The following CTNNA2 variants were observed in gnomAD, a reference collection of about 807,000 sequenced individuals.
CTNNA2 encodes catenin alpha 2.
In CTNNA2, 42 loss-of-function variants were observed where a neutral mutation model predicts 101.0. The ratio of observed to expected loss-of-function variants is 0.42; its 90% CI spans 0.32 to 0.54. CTNNA2 has a LOEUF of 0.54. CTNNA2 is among the 20% of genes least tolerant of loss of function. CTNNA2 has a pLI of 0.14. For missense variants in CTNNA2, 871 were observed against 1,223.1 expected, an observed-to-expected ratio of 0.71 and a Z score of 4.29; for synonymous variants, 450 against 456.4, an observed-to-expected ratio of 0.99 and a Z score of 0.18.
chr2:80,191,652 T>C (rs2148998422), intron 7 of CTNNA2, among the ~76,000 whole-genome samples: 1 of 151,720 alleles, frequency 6.6e-6, no homozygotes, highest in South Asian at 2.1e-4. Flanking sequence ...GCAAGTGCTG[T>C]TTAGAGAAAC....
chr2:79,477,159 CTTTTTTTTCTT>C (rs1359267736), intron 4 of CTNNA2, among the ~76,000 whole-genome samples: 3 of 110,984 alleles, frequency 2.7e-5, no homozygotes, highest in African/African-American at 6.6e-5. Flanking sequence ...TCTTTTTTTT[CTTTTTTTTCTT>C]TTTTTTTTTT....
At chr2:79,643,322 TA>T (rs1680583905) in intron 1 of CTNNA2, among the ~76,000 whole-genome samples, 1 of 152,162 alleles carries the variant, frequency 6.6e-6, no homozygotes, top group Non-Finnish European at 1.5e-5. Context: ...AGATATCCCA[TA>T]TAACTACTCC....
chr2:80,359,616 C>T (rs1674194991), intron 7 of CTNNA2, among the ~76,000 whole-genome samples: 1 of 152,154 alleles, frequency 6.6e-6, no homozygotes, highest in African/African-American at 2.4e-5. Context: ...TTCCCCTTCA[C>T]CTTGAGACAT....
At chr2:79,970,966 C>G (rs1690439098) in intron 7 of CTNNA2, among the ~76,000 whole-genome samples, 1 of 152,246 alleles carries the variant, frequency 6.6e-6, no homozygotes, top group African/African-American at 2.4e-5. Flanking sequence ...ATTCCTGGGT[C>G]CTATCAATTT....
chr2:79,708,499 C>A (rs1318349714), intron 2 of CTNNA2, among the ~76,000 whole-genome samples: 1 of 152,086 alleles, frequency 6.6e-6, no homozygotes, highest in East Asian at 1.9e-4. Context: ...TGTCTTAAAT[C>A]TTTTGTCTAT....
intron 3 of CTNNA2, among the ~76,000 whole-genome samples, chr2:79,321,931 A>G (rs1676633875): frequency 6.6e-6 from 1 of 152,218 alleles, no homozygotes. Context: ...TTAAACAGAC[A>G]TAGAAATCAT....
chr2:79,647,350 C>G (rs1337493842), intron 1 of CTNNA2, among the ~76,000 whole-genome samples: 1 of 152,082 alleles, frequency 6.6e-6, no homozygotes, highest in Non-Finnish European at 1.5e-5. Context: ...ACAAATATTT[C>G]CAGGAATGTT....
At chr2:79,997,467 C>A (rs1352439993) in intron 7 of CTNNA2, among the ~76,000 whole-genome samples, 2 of 152,048 alleles carry the variant, frequency 1.3e-5, no homozygotes, top group East Asian at 1.9e-4. Context: ...ACCAAACAAA[C>A]CCTGCAGGAT....
intron 1 of CTNNA2, among the ~76,000 whole-genome samples, chr2:79,633,098 T>G (rs1679803225): frequency 6.6e-6 from 1 of 152,244 alleles, no homozygotes; most frequent in South Asian, 2.1e-4. Context: ...ATCAGTCGTA[T>G]TATGTTAGTT....
chr2:79,311,601 T>A (rs1037698303), intron 2 of CTNNA2, among the ~76,000 whole-genome samples: 1 of 151,958 alleles, frequency 6.6e-6, no homozygotes, highest in Non-Finnish European at 1.5e-5. Flanking sequence ...ACTTCCCACA[T>A]CCCTAATCTT....
At chr2:79,280,706 A>G (rs1675353845) in intron 2 of CTNNA2, among the ~76,000 whole-genome samples, 1 of 148,032 alleles carries the variant, frequency 6.8e-6, no homozygotes, top group African/African-American at 2.5e-5. Flanking sequence ...AGAGAGACCT[A>G]TAGCTCCCAG....
In CTNNA2 at chr2:79,572,938, G is replaced by T. The variant is rs187001893; in HGVS notation, c.-6+59731G>T. ...GTTACCAAGTGGTTTGCAGTTTTTA[G>T]TTGCTGCCACGGCCAGAATGTTTCA... On this transcript the variant is annotated intron_variant, in intron 1 of 18. Transcript: ENST00000402739. 9.4e-4 allele frequency among the ~76,000 whole-genome samples: 143 copies of T among 152,238 alleles called. 1 individual carries two copies. The highest frequency in any genetic ancestry group is 1.3e-3 in the Non-Finnish European group (91 of 68,022).
intron 2 of CTNNA2, among the ~76,000 whole-genome samples, chr2:79,682,638 A>T (rs960831592): frequency 6.6e-6 from 1 of 152,124 alleles, no homozygotes; most frequent in African/African-American, 2.4e-5. Flanking sequence ...TAAGGGGGAA[A>T]ATTTATATAC....
chr2:79,874,809 G>A (rs1682883873), intron 6 of CTNNA2, among the ~76,000 whole-genome samples: 2 of 152,062 alleles, frequency 1.3e-5, no homozygotes, highest in African/African-American at 4.8e-5. Flanking sequence ...ACTCCGTCTC[G>A]GGGAAAAAAG....
chr2:79,747,997 A>G (rs993820881), intron 3 of CTNNA2, among the ~76,000 whole-genome samples: 5 of 152,220 alleles, frequency 3.3e-5, no homozygotes, highest in Non-Finnish European at 5.9e-5. Flanking sequence ...TCATTCTGCA[A>G]TCTTTTCCAT....
At chr2:79,419,385 A>G (rs1313471187) in intron 4 of CTNNA2, among the ~76,000 whole-genome samples, 1 of 152,176 alleles carries the variant, frequency 6.6e-6, no homozygotes, top group Non-Finnish European at 1.5e-5. Flanking sequence ...AAGTTAGTTA[A>G]TAATAGTGTA....
chr2:80,206,253 A>T (rs1442187026), intron 7 of CTNNA2, among the ~76,000 whole-genome samples: 1 of 152,210 alleles, frequency 6.6e-6, no homozygotes, highest in Non-Finnish European at 1.5e-5. Context: ...TATTTTTAGA[A>T]CACCATTGTG....
intron 2 of CTNNA2, among the ~76,000 whole-genome samples, chr2:79,710,737 T>A (rs1256595688): frequency 6.6e-6 from 1 of 152,188 alleles, no homozygotes; most frequent in East Asian, 1.9e-4. Context: ...GTGATGTGTG[T>A]CTGTGTGTTG....
chr2:80,166,453 C>T (rs1438446882), intron 7 of CTNNA2, among the ~76,000 whole-genome samples: 1 of 152,106 alleles, frequency 6.6e-6, no homozygotes, highest in Non-Finnish European at 1.5e-5. Flanking sequence ...GGTTGCTGAA[C>T]ACATGGAGGG....
Sources: gnomAD v4.1 joint callset for allele counts (sites outside exome capture counted in the v4.1 genomes callset) on GRCh38, gnomAD v4.1.1 for gene constraint, MANE v1.5 for transcripts, NCBI Gene and HGNC (gene_info 2026-07-23, HGNC 2026-07-21) for gene names.